RASGRP3: variants seen among roughly 807,000 people sequenced by gnomAD.
The protein encoded by RASGRP3 is RAS guanyl releasing protein 3.
Under a neutral mutation model 82.7 loss-of-function variants are expected in RASGRP3, and 54 were observed. The observed-to-expected ratio is 0.65, with a 90% CI of 0.52 to 0.82. RASGRP3 has a LOEUF of 0.82. Among genes scored for constraint, RASGRP3 ranks in the 40% least tolerant of loss-of-function variants. RASGRP3 has a pLI of 0.00. For missense variants in RASGRP3, 861 were observed against 828.9 expected (o/e 1.04, Z -0.48); for synonymous variants, 309 against 300.5 (o/e 1.03, Z -0.29).
rs370469151 is a variant in RASGRP3, at chr2:33,558,979, G to C, written c.2013G>C (p.Thr671=). ...GTGTGGATGTTGTAGACCGGGGCAC[G>C]GAGTTTGAACTTGACCAGGATGAAG... ...HAGVDVVDRG[T]EFELDQDEGE... The change falls in exon 17 of 18, where the codon ACG becomes ACC. Residue 671 remains threonine, a synonymous_variant. Coordinates refer to ENST00000403687, the MANE Select transcript of RASGRP3 (RefSeq NM_001139488.2). 2 of 1,613,782 alleles carry C rather than the reference G, an allele frequency of 1.2e-6. No individual in the cohort carries two copies. Among genetic ancestry groups the C allele is most frequent in the Non-Finnish European group, 1.7e-6 (2 of 1,179,822 alleles).
chr2:33,521,790 G>T lies in RASGRP3; in HGVS notation c.369-165G>T, dbSNP rs146975404. On this transcript the variant is annotated intron_variant, in intron 6 of 17. Coordinates refer to ENST00000403687, the MANE Select transcript of RASGRP3 (RefSeq NM_001139488.2). ...AAAAACAACTGCAAGTTTATGTTCT[G>T]TTGGCAACTGGTCAGTGGTTTTCTC... Among the ~76,000 whole-genome samples the T allele has an allele frequency of 2.4e-3, 359 of 152,354 alleles. 1 individual carries two copies. The highest frequency in any genetic ancestry group is 7.0e-3 in the African/African-American group (291 of 41,582).
chr2:33,483,732 G>T (rs1003018441), intron 1 of RASGRP3, among the ~76,000 whole-genome samples: 3 of 152,010 alleles, frequency 2.0e-5, no homozygotes, highest in African/African-American at 7.3e-5. Flanking sequence ...TAAGTGATCC[G>T]CCTGCCTCGG....
chr2:33,535,678 C>T (rs1282383243), intron 11 of RASGRP3, among the ~76,000 whole-genome samples: 1 of 152,208 alleles, frequency 6.6e-6, no homozygotes, highest in Non-Finnish European at 1.5e-5. Flanking sequence ...TCCCCAGAGG[C>T]TCATCTCCTG....
In RASGRP3 at chr2:33,523,940, G is replaced by A; in HGVS notation, c.578G>A (p.Arg193Lys). 6.2e-7 allele frequency: 1 copy of A among 1,613,952 alleles called. No individual in the cohort carries two copies. The highest frequency in any genetic ancestry group is 1.7e-5 in the Admixed American group (1 of 60,026). ...CTGGAGAATAATCCAACCTTGGAAAGATCGATTGCTTTATTTAATGGAATC... is the reference window on the plus strand; with the variant it reads ...CTGGAGAATAATCCAACCTTGGAAAAATCGATTGCTTTATTTAATGGAATC... ...GCLENNPTLE[R>K]SIALFNGISK... The change falls in exon 8 of 18, where the codon AGA (arginine) becomes AAA (lysine). Residue 193 changes from arginine (R) to lysine (K), a missense_variant. Transcript: ENST00000403687.
intron 4 of RASGRP3, among the ~76,000 whole-genome samples, chr2:33,519,628 G>T (rs1242239257): frequency 6.6e-6 from 1 of 152,182 alleles, no homozygotes; most frequent in Admixed American, 6.5e-5. Flanking sequence ...GTGTTTCTCT[G>T]TACTACCAAC....
At chr2:33,513,142 G>A (rs367788525) in intron 2 of RASGRP3, among the ~76,000 whole-genome samples, 44 of 152,308 alleles carry the variant, frequency 2.9e-4, no homozygotes, top group African/African-American at 9.9e-4. Flanking sequence ...TTGGGAAAGC[G>A]TTTGATCCAG....
At chr2:33,552,820 C>G (rs917074579) in intron 14 of RASGRP3, among the ~76,000 whole-genome samples, 1 of 152,168 alleles carries the variant, frequency 6.6e-6, no homozygotes, top group Non-Finnish European at 1.5e-5. Flanking sequence ...AGATCATTAG[C>G]AGCAAAACCA....
chr2:33,473,754 G>A (rs1667197582), upstream of RASGRP3, among the ~76,000 whole-genome samples: 1 of 152,148 alleles, frequency 6.6e-6, no homozygotes, highest in South Asian at 2.1e-4. Context: ...GCTTCATAGG[G>A]AGGATTGAGG....
At chr2:33,459,803 G>A (rs1443517487) in intron 2 of RASGRP3, among the ~76,000 whole-genome samples, 1 of 152,126 alleles carries the variant, frequency 6.6e-6, no homozygotes, top group East Asian at 1.9e-4. Context: ...GAGAGACTGG[G>A]GGACAGAGGC....
chr2:33,552,295 C>T (rs1193483195), intron 14 of RASGRP3, among the ~76,000 whole-genome samples: 6 of 152,196 alleles, frequency 3.9e-5, no homozygotes, highest in Middle Eastern at 3.2e-3. Flanking sequence ...TATTCACCAT[C>T]TTTGGGTCTA....
intron 1 of RASGRP3, chr2:33,482,204 C>G (rs1027416822): frequency 2.6e-5 from 4 of 152,042 alleles, no homozygotes. Flanking sequence ...TTAGTAGAGA[C>G]AGGGTTTCAC....
rs1416933754 is a variant in RASGRP3 at position 33,564,315 on chromosome 2, T to C, written c.*1578T>C. ...GCCAACCAGATTTACAGATTGGAAA[T>C]ACTGCAGATGATGTGAAGTTATCAG... On this transcript the variant is annotated 3_prime_UTR_variant, in exon 18 of 18. Transcript: ENST00000403687. The C allele has an allele frequency of 1.3e-5, 2 of 152,134 alleles. No homozygotes were observed. The highest frequency in any genetic ancestry group is 1.3e-4 in the Admixed American group (2 of 15,278). The allele number at this position is 152,134 out of a possible 1,614,324, so 9.4% of individuals were successfully genotyped here.
At chr2:33,549,223 G>A (rs1675138376) in intron 13 of RASGRP3, among the ~76,000 whole-genome samples, 1 of 152,172 alleles carries the variant, frequency 6.6e-6, no homozygotes, top group Non-Finnish European at 1.5e-5. Context: ...ACAGTTCTCT[G>A]CCTTTCTCCA....
chr2:33,540,257 G>A (rs1481978580), intron 12 of RASGRP3: 1 of 122,456 alleles, frequency 8.2e-6, no homozygotes, highest in African/African-American at 2.6e-5. Flanking sequence ...ATTTTGCGGA[G>A]TGTGTTAGGC....
intron 1 of RASGRP3, among the ~76,000 whole-genome samples, chr2:33,489,613 T>C (rs1444541281): frequency 6.6e-6 from 1 of 152,222 alleles, no homozygotes; most frequent in African/African-American, 2.4e-5. Flanking sequence ...TTGCCCAGGC[T>C]GGAGTGCAGT....
At chr2:33,550,336 T>C (rs559233183) in intron 14 of RASGRP3, among the ~76,000 whole-genome samples, 17 of 152,210 alleles carry the variant, frequency 1.1e-4, no homozygotes, top group Non-Finnish European at 2.2e-4. Context: ...CTTATGAAGA[T>C]AGAGGTTCAA....
chr2:33,465,987 G>T (rs1385703986), intron 2 of RASGRP3, among the ~76,000 whole-genome samples: 5 of 144,220 alleles, frequency 3.5e-5, no homozygotes, highest in Non-Finnish European at 7.6e-5. Flanking sequence ...AAAAAAAAAA[G>T]GAAGGATTCC....
intron 1 of RASGRP3, among the ~76,000 whole-genome samples, chr2:33,439,464 A>T (rs1157460489): frequency 6.6e-6 from 1 of 152,128 alleles, no homozygotes; most frequent in Non-Finnish European, 1.5e-5. Flanking sequence ...GCGCCCAAGG[A>T]ATAGGGCTGT....
intron 11 of RASGRP3, 91 bp from the exon 12 acceptor site, chr2:33,539,003 C>A: frequency 1.2e-6 from 1 of 862,042 alleles, no homozygotes; most frequent in Admixed American, 2.5e-5. Flanking sequence ...TACACCACTG[C>A]ACTCCAGCCT....
Sources: allele counts gnomAD v4.1 joint callset (sites outside exome capture counted in the v4.1 genomes callset), GRCh38; gene constraint gnomAD v4.1.1; transcripts MANE v1.5; gene names NCBI Gene and HGNC (gene_info 2026-07-23, HGNC 2026-07-21).